The following RASA1 variants were observed in gnomAD, a reference collection of about 807,000 sequenced individuals.
RASA1 encodes ras GTPase-activating protein 1.
RASA1 carries 25 observed loss-of-function variants against 132.2 expected under a neutral mutation model. The observed-to-expected ratio is 0.19, with a 90% CI of 0.14 to 0.26. The LOEUF (loss-of-function observed/expected upper bound fraction) is 0.26, where lower values mean the gene tolerates loss of function less well. RASA1 is among the 10% of genes least tolerant of loss of function. The pLI is 1.00. For missense variants in RASA1, 964 were observed against 1,299.2 expected, an observed-to-expected ratio of 0.74 and a Z score of 3.97; for synonymous variants, 477 against 449.9, an observed-to-expected ratio of 1.06 and a Z score of -0.76.
chr5:87,373,028 G>A (rs925691131), intron 13 of RASA1, among the ~76,000 whole-genome samples: 1 of 152,064 alleles, frequency 6.6e-6, no homozygotes, highest in Non-Finnish European at 1.5e-5. Flanking sequence ...CATTTTGTAA[G>A]CTATCAAAAA....
rs568482650 is a variant in RASA1 at position 87,378,843 on chromosome 5, T to C, written c.2487+305T>C. Among the ~76,000 whole-genome samples, 50 of 152,276 alleles carry C rather than the reference T, an allele frequency of 3.3e-4. No individual in the cohort carries two copies. In the South Asian group the frequency reaches 9.7e-3, roughly 30 times the overall value. ...TACAGAAAGCGTGCATAAGATAAAT[T>C]GAAGGTTTTGTTAGTGACTCATTAT... On this transcript the variant is annotated intron_variant, in intron 18 of 24. Coordinates refer to ENST00000274376, the MANE Select transcript of RASA1 (RefSeq NM_002890.3).
At chr5:87,310,148 T>A (rs1755808720) in intron 1 of RASA1, among the ~76,000 whole-genome samples, 2 of 152,148 alleles carry the variant, frequency 1.3e-5, no homozygotes, top group South Asian at 4.1e-4. Flanking sequence ...GCTTTGAGGT[T>A]GATTTCTTTG....
chr5:87,304,054 C>CA (rs1755498754), intron 1 of RASA1, among the ~76,000 whole-genome samples: 1 of 151,890 alleles, frequency 6.6e-6, no homozygotes, highest in South Asian at 2.1e-4. Flanking sequence ...TAGCTGGTGT[C>CA]AAACTCCTGA....
rs141744633 is a variant in RASA1, at chr5:87,342,843, T to C, written c.1049+1522T>C. 5.1e-3 allele frequency among the ~76,000 whole-genome samples: 772 copies of C among 152,294 alleles called. 10 individuals are homozygous for C. Among genetic ancestry groups the C allele is most frequent in the African/African-American group, 0.018 (736 of 41,568 alleles). On this transcript the variant is annotated intron_variant, in intron 6 of 24. Transcript: ENST00000274376. The stretch of plus-strand genomic sequence containing the variant: ...AGACCATAAATCTAGGTTTTTTTAT[T>C]TTAGATAATAGCAATGGAATTTTAA...
At chr5:87,277,590 G>A (rs1297275542) in intron 1 of RASA1, among the ~76,000 whole-genome samples, 1 of 152,146 alleles carries the variant, frequency 6.6e-6, no homozygotes, top group Non-Finnish European at 1.5e-5. Flanking sequence ...TTTCCAGCAT[G>A]CAGAACTGTG....
At chr5:87,326,209 C>T (rs1757219762) in intron 1 of RASA1, among the ~76,000 whole-genome samples, 1 of 152,166 alleles carries the variant, frequency 6.6e-6, no homozygotes, top group African/African-American at 2.4e-5. Context: ...TGGGTTCCAG[C>T]AGTCCCCTCC....
chr5:87,277,133 C>T (rs1458703857), intron 1 of RASA1, among the ~76,000 whole-genome samples: 1 of 152,146 alleles, frequency 6.6e-6, no homozygotes, highest in Admixed American at 6.5e-5. Flanking sequence ...GAATGGGCAT[C>T]ATCCTCATTG....
chr5:87,356,915 T>C (rs1007367634), intron 9 of RASA1, among the ~76,000 whole-genome samples: 1 of 152,162 alleles, frequency 6.6e-6, no homozygotes, highest in Admixed American at 6.5e-5. Flanking sequence ...TTAAGGTCTA[T>C]GAGAACAGAG....
intron 20 of RASA1, among the ~76,000 whole-genome samples, chr5:87,381,161 G>A (rs906020062): frequency 6.6e-6 from 1 of 152,126 alleles, no homozygotes; most frequent in Non-Finnish European, 1.5e-5. Flanking sequence ...TGGAATTTGG[G>A]AGCTTACGTA....
chr5:87,312,042 G>A (rs1385073424), intron 1 of RASA1, among the ~76,000 whole-genome samples: 2 of 152,172 alleles, frequency 1.3e-5, no homozygotes, highest in African/African-American at 4.8e-5. Context: ...AATGAAATGT[G>A]TTAATATCTG....
chr5:87,322,992 A>G (rs1756940288), intron 1 of RASA1, among the ~76,000 whole-genome samples: 1 of 152,188 alleles, frequency 6.6e-6, no homozygotes. Flanking sequence ...TAAGGTGAAG[A>G]TTCTTGGGAG....
In RASA1 at chr5:87,281,509, T is replaced by C. The variant is rs549667672; in HGVS notation, c.539+12519T>C. The stretch of plus-strand genomic sequence containing the variant: ...TTCCTAAGATTAGTGCTGTTGAGCA[T>C]CTTTTCATGTGCTTATTGGCCATTT... On this transcript the variant is annotated intron_variant, in intron 1 of 24. Transcript: ENST00000274376. Among the ~76,000 whole-genome samples the C allele has an allele frequency of 5.3e-5, 8 of 152,292 alleles. No individual in the cohort carries two copies. The East Asian group carries it at 1.5e-3, about 29-fold the overall frequency.
intron 5 of RASA1, among the ~76,000 whole-genome samples, chr5:87,338,536 A>ATATATATTTTT: frequency 4.7e-5 from 4 of 85,222 alleles, no homozygotes; most frequent in East Asian, 4.9e-4. Context: ...TATATATAAA[A>ATATATATTTTT]TTTTTTTTTT....
At chr5:87,294,242 G>A (rs549593269) in intron 1 of RASA1, 6 of 152,258 alleles carry the variant, frequency 3.9e-5, no homozygotes, top group African/African-American at 1.4e-4. Context: ...CTATTCCCAG[G>A]TGCAATCCCA....
chr5:87,357,298 C>T (rs1162928427), intron 9 of RASA1, among the ~76,000 whole-genome samples: 1 of 151,652 alleles, frequency 6.6e-6, no homozygotes, highest in Non-Finnish European at 1.5e-5. Flanking sequence ...CTTTTTAGAC[C>T]ATGGCTAGGA....
At chr5:87,367,582 A>G (rs541175885) in intron 11 of RASA1, among the ~76,000 whole-genome samples, 2 of 152,288 alleles carry the variant, frequency 1.3e-5, no homozygotes, top group Admixed American at 6.5e-5. Context: ...TAAGCACTCC[A>G]TTTCCTTGTA....
Position 87,268,255 on chromosome 5 carries a change from TA to T in RASA1, c.-195del. 2 of 799,986 alleles carry T rather than the reference TA, an allele frequency of 2.5e-6. No individual in the cohort carries two copies. Among genetic ancestry groups the T allele is most frequent in the Non-Finnish European group, 3.8e-6 (2 of 529,218 alleles). 49.6% of individuals were successfully genotyped at this position (799,986 alleles called of 1,614,324 possible). Reference sequence around the variant, plus strand: ...GGTTTTTTGCCCACTTGGCTTCCCGTAACCCAGGCAGCTGGGGAGCCTGGGC... The same window carrying T: ...GGTTTTTTGCCCACTTGGCTTCCCGTACCCAGGCAGCTGGGGAGCCTGGGC... On this transcript the variant is annotated 5_prime_UTR_variant, in exon 1 of 25. Transcript: ENST00000274376.
intron 1 of RASA1, among the ~76,000 whole-genome samples, chr5:87,325,946 C>T (rs1757198998): frequency 6.6e-6 from 1 of 152,100 alleles, no homozygotes; most frequent in Non-Finnish European, 1.5e-5. Flanking sequence ...CGGATGTGTT[C>T]CAGCAATATG....
chr5:87,380,326 T>A (rs934559063), intron 19 of RASA1, among the ~76,000 whole-genome samples, 183 bp from the exon 20 acceptor site: 1 of 152,170 alleles, frequency 6.6e-6, no homozygotes, highest in Non-Finnish European at 1.5e-5. Flanking sequence ...GATGATAAAC[T>A]TAGTGGATAA....
Sources: gnomAD v4.1 joint callset for allele counts (sites outside exome capture counted in the v4.1 genomes callset) on GRCh38, gnomAD v4.1.1 for gene constraint, MANE v1.5 for transcripts, NCBI Gene and HGNC (gene_info 2026-07-23, HGNC 2026-07-21) for gene names.